ZNF521: variants seen among roughly 807,000 people sequenced by gnomAD.
The protein encoded by ZNF521 is LYST-interacting protein 3.
ZNF521 carries 14 observed loss-of-function variants against 105.5 expected under a neutral mutation model. That is an observed-to-expected ratio of 0.13 (90% CI 0.09 to 0.21). The LOEUF (loss-of-function observed/expected upper bound fraction) is 0.21, where lower values mean the gene tolerates loss of function less well. Among genes scored for constraint, ZNF521 ranks in the 10% least tolerant of loss-of-function variants. ZNF521 has a pLI of 1.00. For synonymous variants in ZNF521, 635 were observed against 606.0 expected, an observed-to-expected ratio of 1.05 and a Z score of -0.70; for missense variants, 1,233 against 1,629.7, an observed-to-expected ratio of 0.76 and a Z score of 4.19.
chr18:25,117,000 T>C (rs35073631), intron 5 of ZNF521, among the ~76,000 whole-genome samples: 61,985 of 140,484 alleles, frequency 0.44, 14,124 homozygotes, highest in South Asian at 0.56. Context: ...CACACATATA[T>C]ATACATACAC....
intron 5 of ZNF521, among the ~76,000 whole-genome samples, chr18:25,157,330 G>A (rs1435098126): frequency 6.6e-6 from 1 of 152,186 alleles, no homozygotes; most frequent in African/African-American, 2.4e-5. Flanking sequence ...AAAAGTCTAC[G>A]ATTTAGTGTG....
intron 3 of ZNF521, among the ~76,000 whole-genome samples, chr18:25,234,733 G>A (rs555660348): frequency 6.6e-6 from 1 of 152,194 alleles, no homozygotes; most frequent in South Asian, 2.1e-4. Context: ...TCATAAATGT[G>A]AGAACAGCAG....
At chr18:25,171,197 A>G (rs1206974268) in intron 5 of ZNF521, among the ~76,000 whole-genome samples, 1 of 152,174 alleles carries the variant, frequency 6.6e-6, no homozygotes, top group Non-Finnish European at 1.5e-5. Flanking sequence ...GAATAACTGC[A>G]TTCTGCTCAC....
chr18:25,168,201 C>T (rs999765009), intron 5 of ZNF521, among the ~76,000 whole-genome samples: 4 of 152,120 alleles, frequency 2.6e-5, no homozygotes, highest in African/African-American at 9.7e-5. Flanking sequence ...AAAAGTTCCA[C>T]ATATGGTAAA....
chr18:25,253,706 T>C (rs1461323817), intron 3 of ZNF521, among the ~76,000 whole-genome samples: 1 of 152,104 alleles, frequency 6.6e-6, no homozygotes, highest in Admixed American at 6.6e-5. Flanking sequence ...GAGGCAGCAT[T>C]TGGATAATAA....
chr18:25,063,880 T>C (rs1225439228), intron 7 of ZNF521, among the ~76,000 whole-genome samples: 1 of 152,156 alleles, frequency 6.6e-6, no homozygotes, highest in African/African-American at 2.4e-5. Flanking sequence ...ACCACTTCCA[T>C]CCTCACCCCA....
intron 7 of ZNF521, among the ~76,000 whole-genome samples, chr18:25,087,903 C>T (rs1291878292): frequency 6.6e-6 from 1 of 152,164 alleles, no homozygotes; most frequent in Non-Finnish European, 1.5e-5. Flanking sequence ...CCTTAACTTA[C>T]TATTTGTTCA....
rs369828555 is a variant in ZNF521, at chr18:25,352,139, C to T, written c.-136G>A. The T allele has an allele frequency of 4.9e-6, 2 of 406,110 alleles. No homozygotes were observed. Among genetic ancestry groups the T allele is most frequent in the Non-Finnish European group, 5.1e-6 (1 of 196,478 alleles). 25.2% of individuals were successfully genotyped at this position (406,110 alleles called of 1,614,324 possible). On this transcript the variant is annotated 5_prime_UTR_variant, in exon 1 of 8. The change creates a new upstream start codon in the 5' untranslated region. Coordinates refer to ENST00000361524, the MANE Select transcript of ZNF521 (RefSeq NM_015461.3). The stretch of plus-strand genomic sequence containing the variant: ...CAGGGACTCGCTCTGTACGTAATCA[C>T]TGAGGAAATCATTGTCAGCCTGCCT...
At chr18:25,311,804 T>C (rs1418123617) in intron 3 of ZNF521, among the ~76,000 whole-genome samples, 2 of 152,236 alleles carry the variant, frequency 1.3e-5, no homozygotes, top group African/African-American at 4.8e-5. Flanking sequence ...ATATTCATTA[T>C]TCATTACACA....
intron 2 of ZNF521, among the ~76,000 whole-genome samples, chr18:25,333,312 CTCTA>C (rs1224434139): frequency 4.4e-5 from 6 of 135,808 alleles, no homozygotes; most frequent in Non-Finnish European, 6.7e-5. Flanking sequence ...CTCTCTCTCT[CTCTA>C]TATATATATA....
chr18:25,114,161 A>G (rs2034257365), intron 5 of ZNF521, among the ~76,000 whole-genome samples: 1 of 152,102 alleles, frequency 6.6e-6, no homozygotes, highest in Non-Finnish European at 1.5e-5. Flanking sequence ...GGTTGGGGGA[A>G]AGAAAAGAGG....
At chr18:25,103,121 A>T (rs7232565) in intron 5 of ZNF521, among the ~76,000 whole-genome samples, 61,363 of 151,732 alleles carry the variant, frequency 0.4, 12,649 homozygotes, top group South Asian at 0.54. Context: ...ATTTCCCATA[A>T]CTAGAGATAG....
intron 3 of ZNF521, among the ~76,000 whole-genome samples, chr18:25,317,371 C>T (rs975315401): frequency 5.3e-5 from 8 of 152,114 alleles, no homozygotes; most frequent in Non-Finnish European, 1.2e-4. Context: ...CCTTTTGCTT[C>T]GATTCAATTT....
chr18:25,180,673 T>G (rs183232830), intron 5 of ZNF521, among the ~76,000 whole-genome samples: 2 of 152,232 alleles, frequency 1.3e-5, no homozygotes, highest in Middle Eastern at 3.4e-3. Flanking sequence ...TCATAAAGAT[T>G]ATTAAGTTTA....
At chr18:25,332,409 T>C (rs1349446977) in intron 2 of ZNF521, among the ~76,000 whole-genome samples, 1 of 148,052 alleles carries the variant, frequency 6.8e-6, no homozygotes, top group South Asian at 2.1e-4. Context: ...TACAAGAAAA[T>C]TTATGTATAA....
At chr18:25,346,066 G>C (rs923794233) in intron 2 of ZNF521, among the ~76,000 whole-genome samples, 1 of 152,000 alleles carries the variant, frequency 6.6e-6, no homozygotes, top group African/African-American at 2.4e-5. Flanking sequence ...ATGAAAAAAG[G>C]GAGTCACAAC....
Position 25,350,895 on chromosome 18 carries a change from G to T in ZNF521, c.40+12C>A. 6.5e-7 allele frequency: 1 copy of T among 1,549,302 alleles called. No homozygotes were observed. Among genetic ancestry groups the T allele is most frequent in the East Asian group, 2.5e-5 (1 of 40,466 alleles). The stretch of plus-strand genomic sequence containing the variant: ...GATGGGGGAAAGCGGGGAGCAGGGG[G>T]TTCCTCCTTACCTTTGAGGGATCTC... On this transcript the variant is annotated intron_variant, in intron 2 of 7. Transcript: ENST00000361524.
At chr18:25,064,562 A>G (rs2033001756) in intron 7 of ZNF521, among the ~76,000 whole-genome samples, 1 of 152,234 alleles carries the variant, frequency 6.6e-6, no homozygotes, top group Admixed American at 6.5e-5. Flanking sequence ...CTACCTTGCT[A>G]AAGAGCTGAG....
intron 4 of ZNF521, among the ~76,000 whole-genome samples, chr18:25,212,538 A>ATAT (rs1380631267): frequency 1.7e-4 from 8 of 48,128 alleles, no homozygotes; most frequent in African/African-American, 3.9e-4. Context: ...AAAAAAAAAA[A>ATAT]ATATATATAT....
Sources: allele counts gnomAD v4.1 joint callset (sites outside exome capture counted in the v4.1 genomes callset), GRCh38; gene constraint gnomAD v4.1.1; transcripts MANE v1.5; gene names NCBI Gene and HGNC (gene_info 2026-07-23, HGNC 2026-07-21).